PTPRR: variants seen among roughly 807,000 people sequenced by gnomAD.
PTPRR encodes the protein protein tyrosine phosphatase receptor type R.
In PTPRR, 38 loss-of-function variants were observed where a neutral mutation model predicts 77.2. The ratio of observed to expected loss-of-function variants is 0.49; its 90% CI spans 0.38 to 0.65. PTPRR has a LOEUF of 0.65. Ranked by LOEUF, PTPRR falls within the 30% of genes least tolerant of loss-of-function variation. The probability of loss-of-function intolerance (pLI) is 0.00; values close to 1 mark genes in which losing one functional copy is unlikely to be tolerated. For missense variants in PTPRR, 744 were observed against 799.2 expected (o/e 0.93, Z 0.83); for synonymous variants, 299 against 283.1 (o/e 1.06, Z -0.57).
chr12:70,656,071 A>C (rs1886565516), intron 13 of PTPRR, among the ~76,000 whole-genome samples: 1 of 152,006 alleles, frequency 6.6e-6, no homozygotes, highest in African/African-American at 2.4e-5. Flanking sequence ...TACAAAAATT[A>C]GCCATGTGTA....
chr12:70,693,528 T>G (rs574912341), intron 8 of PTPRR, among the ~76,000 whole-genome samples: 25 of 152,144 alleles, frequency 1.6e-4, no homozygotes, highest in African/African-American at 5.8e-4. Flanking sequence ...TAAACTTTTT[T>G]TGTGTGTGTG....
intron 3 of PTPRR, among the ~76,000 whole-genome samples, chr12:70,763,624 C>T (rs752528609): frequency 1.3e-5 from 2 of 152,188 alleles, no homozygotes; most frequent in Non-Finnish European, 2.9e-5. Context: ...AGCAAATTCC[C>T]TCCATAGTGA....
At chr12:70,644,440 A>G (rs1022992958) in intron 13 of PTPRR, among the ~76,000 whole-genome samples, 1 of 152,186 alleles carries the variant, frequency 6.6e-6, no homozygotes, top group Non-Finnish European at 1.5e-5. Context: ...AGGGAAAAAG[A>G]CAGCATACAC....
At chr12:70,770,943 G>C (rs1279605448) in intron 2 of PTPRR, among the ~76,000 whole-genome samples, 1 of 142,128 alleles carries the variant, frequency 7.0e-6, no homozygotes, top group Non-Finnish European at 1.5e-5. Context: ...TCATAGGTGG[G>C]AATTGAACAA....
intron 2 of PTPRR, among the ~76,000 whole-genome samples, chr12:70,772,912 G>T (rs1891010483): frequency 6.6e-6 from 1 of 151,800 alleles, no homozygotes; most frequent in Admixed American, 6.6e-5. Context: ...TTCTTGTCTT[G>T]TCATACTAGA....
chr12:70,829,501 A>G (rs1473571588), intron 2 of PTPRR, among the ~76,000 whole-genome samples: 1 of 152,208 alleles, frequency 6.6e-6, no homozygotes, highest in Non-Finnish European at 1.5e-5. Flanking sequence ...CTTTTATATC[A>G]GAATTCTGTG....
chr12:70,753,822 C>T (rs1890479470), intron 5 of PTPRR, among the ~76,000 whole-genome samples: 1 of 151,918 alleles, frequency 6.6e-6, no homozygotes, highest in Non-Finnish European at 1.5e-5. Context: ...AAATTTTTTC[C>T]TGAGTTCCAT....
At chr12:70,657,476 A>G (rs1886627824) in intron 12 of PTPRR, among the ~76,000 whole-genome samples, 1 of 152,202 alleles carries the variant, frequency 6.6e-6, no homozygotes, top group East Asian at 1.9e-4. Flanking sequence ...GCCTTAGACG[A>G]TATGTCCATA....
intron 1 of PTPRR, among the ~76,000 whole-genome samples, chr12:70,904,716 A>G (rs1893594905): frequency 2.6e-5 from 4 of 151,940 alleles, no homozygotes; most frequent in Admixed American, 2.6e-4. Flanking sequence ...AAGCGTAACT[A>G]TATCAAACAT....
intron 10 of PTPRR, among the ~76,000 whole-genome samples, chr12:70,681,962 TAAG>T (rs1446691149): frequency 6.6e-6 from 1 of 151,144 alleles, no homozygotes; most frequent in Admixed American, 6.6e-5. Context: ...GTTTATACCA[TAAG>T]AAGGCCAGAC....
rs775619644 is a variant in PTPRR at position 70,709,811 on chromosome 12, T to G, written c.1008-8488A>C. ...GATGAAAGACTTCTACAAGGAGAAC[T>G]GCAAAACACTGCTCAAGTAAATCAG... On this transcript the variant is annotated intron_variant, in intron 6 of 13. Transcript: ENST00000283228. 3.9e-5 allele frequency among the ~76,000 whole-genome samples: 6 copies of G among 152,084 alleles called. No homozygotes were observed. In the South Asian group the frequency reaches 6.2e-4, roughly 16 times the overall value.
At chr12:70,646,356 T>C (rs767760) in intron 13 of PTPRR, among the ~76,000 whole-genome samples, 28,805 of 152,170 alleles carry the variant, frequency 0.19, 3,947 homozygotes, top group African/African-American at 0.39. Context: ...ATTTTGAACA[T>C]AGACACCTTC....
At chr12:70,815,366 T>TG (rs71437158) in intron 2 of PTPRR, among the ~76,000 whole-genome samples, 220 of 152,028 alleles carry the variant, frequency 1.4e-3, no homozygotes, top group African/African-American at 4.7e-3. Context: ...AATAAATTGG[T>TG]GGGGGGGAGT....
intron 2 of PTPRR, among the ~76,000 whole-genome samples, chr12:70,830,471 C>T (rs1194713320): frequency 2.6e-5 from 4 of 152,146 alleles, no homozygotes; most frequent in Admixed American, 1.3e-4. Context: ...AAAGCTCCTG[C>T]CTGGAAATGA....
chr12:70,673,804 CCT>C (rs1887337449), intron 10 of PTPRR, among the ~76,000 whole-genome samples: 1 of 152,110 alleles, frequency 6.6e-6, no homozygotes, highest in Admixed American at 6.5e-5. Context: ...TTCATAGTGT[CCT>C]CTTTTATTTA....
intron 13 of PTPRR, among the ~76,000 whole-genome samples, chr12:70,642,817 A>G (rs1481828571): frequency 6.6e-6 from 1 of 152,180 alleles, no homozygotes; most frequent in African/African-American, 2.4e-5. Flanking sequence ...TCATCTCTGA[A>G]AATATTAAAT....
intron 1 of PTPRR, among the ~76,000 whole-genome samples, chr12:70,913,521 A>C (rs1893731431): frequency 6.6e-6 from 1 of 152,132 alleles, no homozygotes; most frequent in Non-Finnish European, 1.5e-5. Context: ...TTGTTTATCT[A>C]ACTCTTTGAG....
chr12:70,745,735 T>G (rs2136927029), intron 6 of PTPRR, 83 bp downstream of exon 6: 2 of 1,444,362 alleles, frequency 1.4e-6, no homozygotes, highest in Non-Finnish European at 1.9e-6. Context: ...ATTATGTCAA[T>G]CATTACTAGT....
chr12:70,902,079 A>C (rs1893544972), intron 1 of PTPRR, among the ~76,000 whole-genome samples: 1 of 151,890 alleles, frequency 6.6e-6, no homozygotes, highest in Admixed American at 6.6e-5. Flanking sequence ...CGACATCACT[A>C]ATGATCAGGG....
Sources: allele counts gnomAD v4.1 joint callset (sites outside exome capture counted in the v4.1 genomes callset), GRCh38; gene constraint gnomAD v4.1.1; transcripts MANE v1.5; gene names NCBI Gene and HGNC (gene_info 2026-07-23, HGNC 2026-07-21).